The following CNTLN variants were observed in gnomAD, a reference collection of about 807,000 sequenced individuals.
The protein encoded by CNTLN is centlein.
A neutral mutation model predicts 180.0 loss-of-function variants in CNTLN; 212 were observed. The observed-to-expected ratio is 1.18, with a 90% CI of 1.05 to 1.32. CNTLN has a LOEUF of 1.32. CNTLN is among the 40% of genes most tolerant of loss of function. CNTLN has a pLI of 0.00. For synonymous variants in CNTLN, 722 were observed against 563.1 expected, an observed-to-expected ratio of 1.28 and a Z score of -3.99; for missense variants, 2,095 against 1,610.9, an observed-to-expected ratio of 1.30 and a Z score of -5.14.
chr9:17,314,602 A>G (rs1405730245), intron 8 of CNTLN, among the ~76,000 whole-genome samples: 2 of 152,238 alleles, frequency 1.3e-5, no homozygotes, highest in Admixed American at 6.5e-5. Context: ...CTGCAGAGGT[A>G]TGACTGAACT....
intron 8 of CNTLN, among the ~76,000 whole-genome samples, chr9:17,321,041 T>A (rs10963030): frequency 3.9e-5 from 6 of 152,062 alleles, no homozygotes; most frequent in Non-Finnish European, 8.8e-5. Context: ...CAAAACAAAT[T>A]TATTCCTTTA....
At chr9:17,224,390 A>T (rs1182389419) in intron 2 of CNTLN, among the ~76,000 whole-genome samples, 1 of 152,050 alleles carries the variant, frequency 6.6e-6, no homozygotes, top group Non-Finnish European at 1.5e-5. Context: ...GTATTCCTTC[A>T]ATCTGAGAAC....
At chr9:17,321,176 T>C (rs1324065333) in intron 8 of CNTLN, among the ~76,000 whole-genome samples, 1 of 152,234 alleles carries the variant, frequency 6.6e-6, no homozygotes, top group East Asian at 1.9e-4. Context: ...TTTAAATATA[T>C]GTTAGGGAAT....
chr9:17,250,089 A>G (rs947811723), intron 5 of CNTLN, among the ~76,000 whole-genome samples: 1 of 151,336 alleles, frequency 6.6e-6, no homozygotes, highest in African/African-American at 2.4e-5. Context: ...TATTATTGTT[A>G]TAACTTCTCG....
chr9:17,202,929 G>C (rs1188194892), intron 2 of CNTLN, among the ~76,000 whole-genome samples: 1 of 152,024 alleles, frequency 6.6e-6, no homozygotes, highest in Non-Finnish European at 1.5e-5. Flanking sequence ...TCTTCATAGT[G>C]TCGTTGGTCT....
chr9:17,426,711 C>A (rs1439746860), intron 18 of CNTLN, among the ~76,000 whole-genome samples: 1 of 151,856 alleles, frequency 6.6e-6, no homozygotes, highest in Non-Finnish European at 1.5e-5. Context: ...AGGTTCTAAT[C>A]TTCCTGTTTA....
At chr9:17,372,088 TAAAAG>T (rs1824369126) in intron 13 of CNTLN, among the ~76,000 whole-genome samples, 1 of 151,486 alleles carries the variant, frequency 6.6e-6, no homozygotes, top group Non-Finnish European at 1.5e-5. Context: ...CCAAAATTAG[TAAAAG>T]AAAAGAAGTA....
At position 17,223,302 on chromosome 9, in the gene CNTLN, G is replaced by A. The variant is rs556465658; in HGVS notation, c.450-2901G>A. On this transcript the variant is annotated intron_variant, in intron 2 of 25. Transcript: ENST00000380647. Reference sequence around the variant, plus strand: ...CCATGGAAAGTGAAACTGAGGGTAAGGGGGAACTACGGTATTTGGATGACT... The same window carrying A: ...CCATGGAAAGTGAAACTGAGGGTAAAGGGGAACTACGGTATTTGGATGACT... Among the ~76,000 whole-genome samples, 6 of 152,146 alleles carry A rather than the reference G, an allele frequency of 3.9e-5. No individual in the cohort carries two copies. The South Asian group carries it at 1.0e-3, about 26-fold the overall frequency.
intron 2 of CNTLN, among the ~76,000 whole-genome samples, chr9:17,159,717 C>T (rs1350421811): frequency 4.6e-5 from 7 of 151,848 alleles, no homozygotes; most frequent in Non-Finnish European, 1.0e-4. Flanking sequence ...CTGCAGCTGT[C>T]TGGAATGGAG....
chr9:17,183,615 T>C (rs548614429), intron 2 of CNTLN, among the ~76,000 whole-genome samples: 103 of 152,222 alleles, frequency 6.8e-4, no homozygotes, highest in Admixed American at 3.1e-3. Flanking sequence ...TCGGTAAGAT[T>C]GATAAAGTCT....
intron 2 of CNTLN, among the ~76,000 whole-genome samples, chr9:17,164,826 T>C (rs1176352092): frequency 6.6e-6 from 1 of 151,112 alleles, no homozygotes; most frequent in African/African-American, 2.4e-5. Flanking sequence ...TTTTCTTTTT[T>C]TTTCTTTCTT....
chr9:17,465,616 A>C (rs924376799), intron 21 of CNTLN, among the ~76,000 whole-genome samples: 1 of 151,012 alleles, frequency 6.6e-6, no homozygotes. Context: ...ATTTTAGAGA[A>C]TACAATGGAA....
At chr9:17,358,532 A>T (rs1189525391) in intron 12 of CNTLN, among the ~76,000 whole-genome samples, 1 of 152,192 alleles carries the variant, frequency 6.6e-6, no homozygotes, top group African/African-American at 2.4e-5. Flanking sequence ...TACTACATAT[A>T]CACTATACAC....
In CNTLN at chr9:17,487,064, C is replaced by T. The variant is rs1310493509; in HGVS notation, c.4117C>T (p.Gln1373Ter). 1 of 1,589,780 alleles carries T rather than the reference C, an allele frequency of 6.3e-7. No individual in the cohort carries two copies. Among genetic ancestry groups the T allele is most frequent in the African/African-American group, 1.3e-5 (1 of 74,256 alleles). ...GTACATTCAGAAACTTCTTGAAGGA[C>T]AGGTATTTCATTTTTCTGTTTCATA... ...MLYIQKLLEG[Q>*]LPFASYLLEA... Residue 1373 changes from glutamine (Q) to a stop codon, truncating the protein, a stop_gained and splice_region_variant, in exon 25 of 26, where the codon CAG becomes TAG. Coordinates refer to ENST00000380647, the MANE Select transcript of CNTLN (RefSeq NM_017738.4). LOFTEE classifies it high-confidence loss of function.
At chr9:17,211,776 T>C (rs1347508005) in intron 2 of CNTLN, among the ~76,000 whole-genome samples, 1 of 152,186 alleles carries the variant, frequency 6.6e-6, no homozygotes, top group Non-Finnish European at 1.5e-5. Flanking sequence ...TTCACATCCC[T>C]TGTAAGTTGG....
At position 17,143,474 on chromosome 9, in the gene CNTLN, T is replaced by C; in HGVS notation, c.449+98T>C. On this transcript the variant is annotated intron_variant, in intron 2 of 25. Coordinates refer to ENST00000380647, the MANE Select transcript of CNTLN (RefSeq NM_017738.4). ...ACTTATCATTAATCTCCTAAAGAGATTCATTTAATTTCTGAATAAATGTGG... is the reference window on the plus strand; with the variant it reads ...ACTTATCATTAATCTCCTAAAGAGACTCATTTAATTTCTGAATAAATGTGG... 4 of 841,016 alleles carry C rather than the reference T, an allele frequency of 4.8e-6. No individual in the cohort carries two copies. In the South Asian group the frequency reaches 6.5e-5, roughly 14 times the overall value. The allele number at this position is 841,016 out of a possible 1,614,324, so 52.1% of individuals were successfully genotyped here.
At chr9:17,437,213 A>T (rs1460770819) in intron 18 of CNTLN, among the ~76,000 whole-genome samples, 1 of 152,210 alleles carries the variant, frequency 6.6e-6, no homozygotes, top group Non-Finnish European at 1.5e-5. Context: ...CTTCTATTCT[A>T]GATGAAGCAA....
rs778582869 is a variant in CNTLN at position 17,487,224 on chromosome 9, A to G, written c.4119+158A>G. ...AGGTAGAAAGGAAAGTTAACCCTCT[A>G]TTTGTACTTTGGGACTTAACAAATG... is the stretch of plus-strand genomic sequence containing the variant. On this transcript the variant is annotated intron_variant, in intron 25 of 25. Coordinates refer to ENST00000380647, the MANE Select transcript of CNTLN (RefSeq NM_017738.4). 4.7e-6 allele frequency: 3 copies of G among 637,278 alleles called. No individual in the cohort carries two copies. The South Asian group carries it at 5.5e-5, about 12-fold the overall frequency. 39.5% of individuals were successfully genotyped at this position (637,278 alleles called of 1,614,324 possible). A position where few individuals can be genotyped will look rare whatever the true frequency, so the allele number is the denominator to read the frequency against.
intron 12 of CNTLN, among the ~76,000 whole-genome samples, chr9:17,355,045 A>C (rs1822719364): frequency 1.3e-5 from 2 of 151,994 alleles, no homozygotes; most frequent in Non-Finnish European, 1.5e-5. Flanking sequence ...AGAAGGAAGA[A>C]ACTCGGAACA....
Sources: allele counts gnomAD v4.1 joint callset (sites outside exome capture counted in the v4.1 genomes callset), GRCh38; gene constraint gnomAD v4.1.1; transcripts MANE v1.5; gene names NCBI Gene and HGNC (gene_info 2026-07-23, HGNC 2026-07-21).